CDHR2: variants seen among roughly 807,000 people sequenced by gnomAD.
CDHR2 encodes the protein cadherin-related family member 2.
A neutral mutation model predicts 138.6 loss-of-function variants in CDHR2; 104 were observed. That is an observed-to-expected ratio of 0.75 (90% CI 0.64 to 0.88). The LOEUF is 0.88. CDHR2 is among the 40% of genes least tolerant of loss of function. CDHR2 has a pLI of 0.00. For synonymous variants in CDHR2, 755 were observed against 742.8 expected, an observed-to-expected ratio of 1.02 and a Z score of -0.27; for missense variants, 1,624 against 1,727.6, an observed-to-expected ratio of 0.94 and a Z score of 1.06.
At chr5:176,558,521 T>G (rs1225385595) in intron 1 of CDHR2, among the ~76,000 whole-genome samples, 1 of 151,714 alleles carries the variant, frequency 6.6e-6, no homozygotes, top group East Asian at 1.9e-4. Flanking sequence ...GTAGCTGGGA[T>G]TACAGGCATG....
At position 176,543,711 on chromosome 5, in the gene CDHR2, C is replaced by G. The variant is rs1441708986; in HGVS notation, c.-16+942C>G. 1 of 152,230 alleles carries G rather than the reference C, an allele frequency of 6.6e-6. No homozygotes were observed. The highest frequency in any genetic ancestry group is 1.5e-5 in the Non-Finnish European group (1 of 68,064). The allele number at this position is 152,230 out of a possible 1,614,324, so 9.4% of individuals were successfully genotyped here. A position where few individuals can be genotyped will look rare whatever the true frequency, so the allele number is the denominator to read the frequency against. On this transcript the variant is annotated intron_variant, in intron 1 of 31. Coordinates refer to the CDHR2 transcript ENST00000510636. This position sits in a 1 kb window ranked among gnomAD's most constrained non-coding sequence, Gnocchi z 4.0. ...TGTCCCCTCCCCCAGCCCCGGTGGG[C>G]GCGGAGGTAGCTAATAGCTGTCTGG...
Position 176,589,183 on chromosome 5 carries a change from GT to G in CDHR2, c.3008+2del. The G allele has an allele frequency of 6.2e-7, 1 of 1,614,078 alleles. No individual in the cohort carries two copies. Among genetic ancestry groups the G allele is most frequent in the East Asian group, 2.2e-5 (1 of 44,884 alleles). ...CCGACGTGTTCGCTGGGAGCATTCA[GT>G]AACTGCGGGCGGCCCCGGGAGGGAG... On this transcript the variant is annotated splice_donor_variant, in intron 22 of 31. Coordinates refer to ENST00000261944, the MANE Select transcript of CDHR2 (RefSeq NM_017675.6). LOFTEE classifies it high-confidence loss of function.
intron 21 of CDHR2, among the ~76,000 whole-genome samples, chr5:176,588,404 A>AAT (rs1758725217): frequency 3.0e-5 from 2 of 67,048 alleles, no homozygotes; most frequent in Non-Finnish European, 6.8e-5. Flanking sequence ...TGAGTGCATG[A>AAT]GAGAGTGAGG....
At chr5:176,566,095 CTT>C (rs57830507) in intron 3 of CDHR2, among the ~76,000 whole-genome samples, 3 of 144,866 alleles carry the variant, frequency 2.1e-5, no homozygotes, top group Admixed American at 6.9e-5. Context: ...CCCACGCTGG[CTT>C]TTTTTTTTTT....
intron 30 of CDHR2, among the ~76,000 whole-genome samples, chr5:176,592,393 ATGG>A (rs1162294433): frequency 3.0e-4 from 35 of 115,416 alleles, no homozygotes; most frequent in African/African-American, 8.6e-4. Context: ...TATGATGATG[ATGG>A]TGGTGGTGGT....
At chr5:176,571,711 C>T (rs1183469508) in intron 6 of CDHR2, among the ~76,000 whole-genome samples, 1 of 152,004 alleles carries the variant, frequency 6.6e-6, no homozygotes, top group African/African-American at 2.4e-5. Context: ...TAATTTTTTG[C>T]ATTTTTAGTA....
intron 30 of CDHR2, among the ~76,000 whole-genome samples, chr5:176,592,081 G>A (rs538259552): frequency 2.3e-4 from 28 of 119,814 alleles, no homozygotes; most frequent in Non-Finnish European, 4.3e-4. Context: ...GGCAGTTATC[G>A]TGGTGGTGGT....
chr5:176,549,715 G>A (rs1458560698), intron 1 of CDHR2, among the ~76,000 whole-genome samples: 3 of 152,174 alleles, frequency 2.0e-5, no homozygotes, highest in African/African-American at 2.4e-5. Flanking sequence ...CCAGGGAAAC[G>A]AGGTAACTGG....
chr5:176,585,993 C>T lies in CDHR2; in HGVS notation c.2774C>T (p.Ala925Val). The change falls in exon 20 of 32, where the codon GCA (alanine) becomes GTA (valine). Residue 925 changes from alanine (A) to valine (V), a missense_variant. Ala to Val is a moderately conservative substitution (Grantham distance 64, BLOSUM62 0). This residue lies in a region of CDHR2 where 556 missense variants were observed against 565.7 expected (regional missense o/e 0.98). Coordinates refer to ENST00000261944, the MANE Select transcript of CDHR2 (RefSeq NM_017675.6). ...ACCATTGAGGACGTGAATGACAATG[C>T]ACCCTATTTTCTGCCTGAGAATAAG... ...LITIEDVNDN[A>V]PYFLPENKTF... 1 of 1,613,982 alleles carries T rather than the reference C, an allele frequency of 6.2e-7. No homozygotes were observed. Among genetic ancestry groups the T allele is most frequent in the Non-Finnish European group, 8.5e-7 (1 of 1,179,886 alleles).
intron 12 of CDHR2, among the ~76,000 whole-genome samples, chr5:176,577,188 GTGC>G (rs1758403416): frequency 6.6e-6 from 1 of 152,154 alleles, no homozygotes; most frequent in Admixed American, 6.5e-5. Flanking sequence ...GGGACCCACA[GTGC>G]CTAGGGAGCT....
downstream of CDHR2, chr5:176,595,878 G>A: frequency 2.1e-6 from 1 of 468,550 alleles, no homozygotes; most frequent in South Asian, 4.5e-5. Flanking sequence ...GTGGGGACGG[G>A]ACACTGAGTG....
chr5:176,592,626 T>A, intron 30 of CDHR2, 97 bp from the exon 31 acceptor site: 1 of 912,086 alleles, frequency 1.1e-6, no homozygotes, highest in Non-Finnish European at 1.8e-6. Context: ...GTGGTAGTCG[T>A]GGTGATGGTG....
At chr5:176,594,045 A>AT (rs1262599196) in intron 31 of CDHR2, among the ~76,000 whole-genome samples, 2 of 152,192 alleles carry the variant, frequency 1.3e-5, no homozygotes, top group Non-Finnish European at 2.9e-5. Flanking sequence ...GCAGAGGCTG[A>AT]TGCTGCTCCT....
At chr5:176,552,254 G>C (rs1180874190) in intron 1 of CDHR2, among the ~76,000 whole-genome samples, 1 of 152,250 alleles carries the variant, frequency 6.6e-6, no homozygotes, top group Non-Finnish European at 1.5e-5. Flanking sequence ...GCCACCAACT[G>C]CCTGAACACA....
In CDHR2 at chr5:176,543,161, C is replaced by A. The variant is rs543758811; in HGVS notation, c.-16+392C>A. Among the ~76,000 whole-genome samples the A allele has an allele frequency of 4.0e-5, 6 of 150,564 alleles. No individual in the cohort carries two copies. Among genetic ancestry groups the A allele is most frequent in the African/African-American group, 1.5e-4 (6 of 41,216 alleles). ...CGGCAGAGGCCTGGCGGGAAGACCC[C>A]GCGTGCGTTCCTCCGCCGGCCCGCG... On this transcript the variant is annotated intron_variant, in intron 1 of 31. Coordinates refer to the CDHR2 transcript ENST00000510636. This position sits in a 1 kb window ranked among gnomAD's most constrained non-coding sequence, Gnocchi z 4.0.
At chr5:176,588,913 T>C (rs984517937) in intron 21 of CDHR2, 118 bp from the exon 22 acceptor site, 2 of 982,362 alleles carry the variant, frequency 2.0e-6, no homozygotes, top group Admixed American at 2.2e-5. Flanking sequence ...AGCGTGGGGA[T>C]GGCGGATAGA....
At chr5:176,546,744 T>TA (rs1757590910), upstream of CDHR2, among the ~76,000 whole-genome samples, 1 of 28,736 alleles carries the variant, frequency 3.5e-5, no homozygotes, top group Admixed American at 6.4e-4. Context: ...AACATGGTGC[T>TA]CAAAAAAAAA....
intron 30 of CDHR2, among the ~76,000 whole-genome samples, chr5:176,592,251 G>T (rs1356394529): frequency 1.4e-5 from 2 of 145,420 alleles, no homozygotes; most frequent in African/African-American, 2.6e-5. Context: ...GATGGTGGTG[G>T]TGGTGTTGGT....
intron 3 of CDHR2, 78 bp downstream of exon 3, chr5:176,565,821 C>A: frequency 9.4e-7 from 1 of 1,064,944 alleles, no homozygotes; most frequent in Non-Finnish European, 1.4e-6. Context: ...CTGGAGCCCC[C>A]ACCATGCCTG....
Sources: gnomAD v4.1 joint callset for allele counts (sites outside exome capture counted in the v4.1 genomes callset) on GRCh38, gnomAD v4.1.1 for gene constraint, gnomAD v4.1.1 regional missense constraint, Gnocchi (gnomAD v3.1) non-coding constraint, MANE v1.5 for transcripts, NCBI Gene and HGNC (gene_info 2026-07-23, HGNC 2026-07-21) for gene names.